The following CACNB2 variants were observed in gnomAD, a reference collection of about 807,000 sequenced individuals.
CACNB2 encodes the protein voltage-dependent L-type calcium channel subunit beta-2.
A neutral mutation model predicts 73.3 loss-of-function variants in CACNB2; 42 were observed. The observed-to-expected ratio is 0.57, with a 90% CI of 0.45 to 0.74. CACNB2 has a LOEUF of 0.74. CACNB2 is among the 30% of genes least tolerant of loss of function. CACNB2 has a pLI of 0.00. For synonymous variants in CACNB2, 348 were observed against 310.3 expected, an observed-to-expected ratio of 1.12 and a Z score of -1.28; for missense variants, 940 against 853.0, an observed-to-expected ratio of 1.10 and a Z score of -1.27.
intron 2 of CACNB2, among the ~76,000 whole-genome samples, chr10:18,281,815 C>T (rs1306607134): frequency 1.3e-5 from 2 of 151,700 alleles, no homozygotes; most frequent in African/African-American, 4.8e-5. Context: ...CGTGTCTCTA[C>T]TAAAAATACA....
chr10:18,440,331 A>G (rs1347953666), intron 3 of CACNB2, among the ~76,000 whole-genome samples: 1 of 152,210 alleles, frequency 6.6e-6, no homozygotes, highest in Non-Finnish European at 1.5e-5. Flanking sequence ...GTCCATAGTA[A>G]AAACTAAGAA....
intron 2 of CACNB2, among the ~76,000 whole-genome samples, chr10:18,338,987 AC>A (rs1409870599): frequency 6.6e-6 from 1 of 151,534 alleles, no homozygotes; most frequent in African/African-American, 2.4e-5. Flanking sequence ...TGATCCTCCC[AC>A]CTCGGCTTCC....
chr10:18,381,337 G>A (rs1351383056), intron 2 of CACNB2, among the ~76,000 whole-genome samples: 1 of 151,886 alleles, frequency 6.6e-6, no homozygotes, highest in Non-Finnish European at 1.5e-5. Flanking sequence ...AAACCATTTG[G>A]TAATATACCT....
intron 2 of CACNB2, among the ~76,000 whole-genome samples, chr10:18,171,046 C>G (rs1210349843): frequency 6.6e-6 from 1 of 152,210 alleles, no homozygotes; most frequent in African/African-American, 2.4e-5. Flanking sequence ...TAAACGCACA[C>G]TCTGCCTACC....
At chr10:18,497,779 C>T (rs1229007378) in intron 3 of CACNB2, among the ~76,000 whole-genome samples, 1 of 152,118 alleles carries the variant, frequency 6.6e-6, no homozygotes, top group African/African-American at 2.4e-5. Flanking sequence ...TAATTAATAT[C>T]TTTAGTAGCT....
At chr10:18,299,147 A>C (rs2039406279) in intron 2 of CACNB2, among the ~76,000 whole-genome samples, 1 of 152,090 alleles carries the variant, frequency 6.6e-6, no homozygotes, top group Admixed American at 6.5e-5. Context: ...GTTACCAAGT[A>C]AATATTAACC....
At chr10:18,348,936 T>C (rs887351657) in intron 2 of CACNB2, among the ~76,000 whole-genome samples, 2 of 152,150 alleles carry the variant, frequency 1.3e-5, no homozygotes, top group Admixed American at 6.5e-5. Context: ...CTGGGCAACA[T>C]AGGGAGACCC....
At position 18,534,196 on chromosome 10, in the gene CACNB2, T is replaced by C; in HGVS notation, c.1175T>C (p.Ile392Thr). The change falls in exon 11 of 14, where the codon ATT becomes ACT. Residue 392 changes from isoleucine to threonine, a missense_variant. Physicochemically the swap from Ile to Thr is moderately conservative, Grantham distance 89 (BLOSUM62 -1). Coordinates refer to ENST00000324631, the MANE Select transcript of CACNB2 (RefSeq NM_201596.3). ...AQLSKTSLAPIIVYVKISSPK... is the reference protein window; with the variant it reads ...AQLSKTSLAPTIVYVKISSPK... Reference sequence around the variant, plus strand: ...CTCAGTAAAACCTCCTTGGCCCCTATTATAGTATATGTAAAGATTTCTTCT... The same window carrying C: ...CTCAGTAAAACCTCCTTGGCCCCTACTATAGTATATGTAAAGATTTCTTCT... 1.2e-6 allele frequency: 2 copies of C among 1,613,580 alleles called. No individual in the cohort carries two copies. Among genetic ancestry groups the C allele is most frequent in the South Asian group, 2.2e-5 (2 of 91,062 alleles).
intron 3 of CACNB2, among the ~76,000 whole-genome samples, chr10:18,423,152 A>ACC (rs2045419070): frequency 6.6e-6 from 1 of 151,714 alleles, no homozygotes; most frequent in African/African-American, 2.4e-5. Flanking sequence ...TACCTGTTTT[A>ACC]TGGGGTTATG....
intron 2 of CACNB2, among the ~76,000 whole-genome samples, chr10:18,192,567 ACT>A (rs1304479871): frequency 1.3e-5 from 2 of 151,746 alleles, no homozygotes; most frequent in Admixed American, 1.3e-4. Context: ...TTGTGTAACT[ACT>A]CTCTCTTTCT....
chr10:18,204,728 G>T (rs778080206), intron 2 of CACNB2, among the ~76,000 whole-genome samples: 4 of 152,098 alleles, frequency 2.6e-5, no homozygotes, highest in Non-Finnish European at 4.4e-5. Context: ...TTTGTTTACC[G>T]TTATACATTC....
At chr10:18,213,731 T>C (rs1019112090) in intron 2 of CACNB2, among the ~76,000 whole-genome samples, 11 of 152,218 alleles carry the variant, frequency 7.2e-5, no homozygotes, top group African/African-American at 2.4e-4. Context: ...TATTCTTTGA[T>C]CTATTTTAGG....
At chr10:18,277,248 A>G (rs938672115) in intron 2 of CACNB2, among the ~76,000 whole-genome samples, 1 of 152,220 alleles carries the variant, frequency 6.6e-6, no homozygotes, top group Non-Finnish European at 1.5e-5. Flanking sequence ...CACCGGGTGC[A>G]GACCGCAGAG....
chr10:18,392,475 A>T (rs902765326), intron 2 of CACNB2, among the ~76,000 whole-genome samples: 4 of 152,154 alleles, frequency 2.6e-5, no homozygotes, highest in Admixed American at 6.5e-5. Flanking sequence ...AATAGGAGGA[A>T]GTATATTTAA....
chr10:18,346,739 G>A (rs1292173245), intron 2 of CACNB2, among the ~76,000 whole-genome samples: 1 of 151,948 alleles, frequency 6.6e-6, no homozygotes, highest in African/African-American at 2.4e-5. Context: ...TGGGACTACA[G>A]GCATGTGCCA....
At chr10:18,233,950 G>A (rs141357886) in intron 2 of CACNB2, among the ~76,000 whole-genome samples, 2 of 152,298 alleles carry the variant, frequency 1.3e-5, no homozygotes, top group African/African-American at 4.8e-5. Flanking sequence ...CCTGCTCAGA[G>A]CATAGGCGTC....
intron 2 of CACNB2, among the ~76,000 whole-genome samples, chr10:18,347,033 G>C (rs551248587): frequency 6.6e-6 from 1 of 152,228 alleles, no homozygotes; most frequent in East Asian, 1.9e-4. Flanking sequence ...ATTGATAAAA[G>C]TGCACCTTTT....
At chr10:18,369,040 T>C (rs2042469228) in intron 2 of CACNB2, among the ~76,000 whole-genome samples, 1 of 152,162 alleles carries the variant, frequency 6.6e-6, no homozygotes, top group African/African-American at 2.4e-5. Flanking sequence ...ATTTGAAATT[T>C]TTCTTTTGTT....
At chr10:18,298,022 G>A (rs1359303914) in intron 2 of CACNB2, among the ~76,000 whole-genome samples, 2 of 152,128 alleles carry the variant, frequency 1.3e-5, no homozygotes, top group Admixed American at 1.3e-4. Context: ...TTTCTATGTG[G>A]GTGAAGGTAA....
Sources: allele counts gnomAD v4.1 joint callset (sites outside exome capture counted in the v4.1 genomes callset), GRCh38; gene constraint gnomAD v4.1.1; transcripts MANE v1.5; gene names NCBI Gene and HGNC (gene_info 2026-07-23, HGNC 2026-07-21).